Variants in CALN1 observed in about 807,000 individuals in gnomAD.
CALN1 encodes the protein calneuron 1.
Under a neutral mutation model 30.6 loss-of-function variants are expected in CALN1, and 17 were observed. The ratio of observed to expected loss-of-function variants is 0.56; its 90% CI spans 0.38 to 0.83. CALN1 has a LOEUF of 0.83. Ranked by LOEUF, CALN1 falls within the 40% of genes least tolerant of loss-of-function variation. The probability of loss-of-function intolerance (pLI) is 0.00; values close to 1 mark genes in which losing one functional copy is unlikely to be tolerated. For missense variants in CALN1, 291 were observed against 354.9 expected (o/e 0.82, Z 1.45); for synonymous variants, 156 against 131.4 (o/e 1.19, Z -1.28).
At chr7:72,369,868 A>AGG (rs1804116430) in intron 2 of CALN1, among the ~76,000 whole-genome samples, 1 of 152,238 alleles carries the variant, frequency 6.6e-6, no homozygotes, top group East Asian at 1.9e-4. Flanking sequence ...CCACTAACCT[A>AGG]TTGATGGACA....
the CALN1 span, among the ~76,000 whole-genome samples, chr7:72,456,314 G>A: frequency 6.6e-6 from 1 of 151,880 alleles, no homozygotes; most frequent in Non-Finnish European, 1.5e-5. Context: ...CTCGAGGCCA[G>A]GAGTTCTAGA....
At chr7:72,036,092 T>A (rs1162029288) in intron 4 of CALN1, among the ~76,000 whole-genome samples, 1 of 152,236 alleles carries the variant, frequency 6.6e-6, no homozygotes, top group Non-Finnish European at 1.5e-5. Flanking sequence ...TCCCTCACCT[T>A]TGAAGGACAG....
At chr7:72,101,127 C>A (rs1215946594) in intron 4 of CALN1, among the ~76,000 whole-genome samples, 1 of 151,868 alleles carries the variant, frequency 6.6e-6, no homozygotes, top group Non-Finnish European at 1.5e-5. Context: ...CCATGCCTGG[C>A]TAATTGTTTT....
chr7:72,272,685 C>G (rs969924546), intron 3 of CALN1, among the ~76,000 whole-genome samples: 3 of 152,176 alleles, frequency 2.0e-5, no homozygotes, highest in Non-Finnish European at 4.4e-5. Context: ...TCCACCCACA[C>G]TTGGAACTAC....
chr7:71,838,418 G>A (rs1789745886), intron 5 of CALN1, among the ~76,000 whole-genome samples: 1 of 152,176 alleles, frequency 6.6e-6, no homozygotes, highest in Non-Finnish European at 1.5e-5. Context: ...TTTGACCACA[G>A]AGATACTCTT....
At chr7:72,128,149 T>C (rs1808896782) in intron 3 of CALN1, among the ~76,000 whole-genome samples, 1 of 152,256 alleles carries the variant, frequency 6.6e-6, no homozygotes, top group East Asian at 1.9e-4. Context: ...AAAGAAGAGA[T>C]ACATATTAAA....
intron 6 of CALN1, among the ~76,000 whole-genome samples, chr7:71,793,614 G>A (rs542940829): frequency 1.9e-4 from 29 of 152,224 alleles, no homozygotes; most frequent in Admixed American, 1.6e-3. Flanking sequence ...GCTCACACCC[G>A]TAATCCCAGC....
chr7:72,206,118 T>C (rs1453862506), intron 3 of CALN1, among the ~76,000 whole-genome samples: 1 of 152,234 alleles, frequency 6.6e-6, no homozygotes, highest in Non-Finnish European at 1.5e-5. Flanking sequence ...TTTTTGTTTT[T>C]TGAATAACGT....
chr7:71,898,274 G>C (rs1364729680), intron 5 of CALN1, among the ~76,000 whole-genome samples: 1 of 152,110 alleles, frequency 6.6e-6, no homozygotes. Flanking sequence ...AGGTTGCAGT[G>C]AGCCGAGATT....
At chr7:71,929,914 G>T (rs1795460050) in intron 5 of CALN1, among the ~76,000 whole-genome samples, 1 of 152,262 alleles carries the variant, frequency 6.6e-6, no homozygotes, top group African/African-American at 2.4e-5. Flanking sequence ...CGGTATCTGT[G>T]GGAATTGGTT....
At chr7:72,125,799 C>CTTTTTTTTT (rs61475416) in intron 3 of CALN1, among the ~76,000 whole-genome samples, 2 of 114,772 alleles carry the variant, frequency 1.7e-5, no homozygotes, top group African/African-American at 3.3e-5. Flanking sequence ...CTGTATCATT[C>CTTTTTTTTT]TTTTTTTTTT....
chr7:72,057,103 C>T (rs967898397), intron 4 of CALN1, among the ~76,000 whole-genome samples: 13 of 76,708 alleles, frequency 1.7e-4, no homozygotes, highest in Non-Finnish European at 3.0e-4. Flanking sequence ...ACCAAGCCCA[C>T]CTGTTTTTTA....
rs150512108 is a variant in CALN1 at position 72,191,260 on chromosome 7, C to T, written c.245-84966G>A. 1.4e-4 allele frequency among the ~76,000 whole-genome samples: 21 copies of T among 152,224 alleles called. No individual in the cohort carries two copies. In the East Asian group the frequency reaches 3.9e-3, roughly 28 times the overall value. Reference sequence around the variant, plus strand: ...ACAAGATGAACAGAGAACAACGTAGCAATTTAGGCGGAAGCTACAGACTGT... The same window carrying T: ...ACAAGATGAACAGAGAACAACGTAGTAATTTAGGCGGAAGCTACAGACTGT... On this transcript the variant is annotated intron_variant, in intron 3 of 6. Coordinates refer to ENST00000395275, the MANE Select transcript of CALN1 (RefSeq NM_031468.4).
At chr7:72,336,329 G>A (rs1387473363) in intron 2 of CALN1, among the ~76,000 whole-genome samples, 2 of 152,118 alleles carry the variant, frequency 1.3e-5, no homozygotes, top group Non-Finnish European at 2.9e-5. Context: ...GGGCGCCTGC[G>A]GGCGGGGGCG....
At chr7:72,395,359 G>GCACACA (rs71069064) in intron 2 of CALN1, among the ~76,000 whole-genome samples, 7 of 151,284 alleles carry the variant, frequency 4.6e-5, no homozygotes, top group Non-Finnish European at 1.0e-4. Flanking sequence ...GCACGCGCGC[G>GCACACA]CACACACACA....
chr7:72,014,139 T>A (rs1386887102), intron 5 of CALN1, among the ~76,000 whole-genome samples: 1 of 149,316 alleles, frequency 6.7e-6, no homozygotes, highest in Non-Finnish European at 1.5e-5. Context: ...TAGGCTGGAG[T>A]ACAGTGGCTT....
chr7:72,119,084 C>T (rs1808199136), intron 3 of CALN1, among the ~76,000 whole-genome samples: 1 of 152,146 alleles, frequency 6.6e-6, no homozygotes, highest in Non-Finnish European at 1.5e-5. Context: ...GGTGAGATTA[C>T]AGCTGATGTT....
At chr7:72,151,670 C>T (rs1308705457) in intron 3 of CALN1, among the ~76,000 whole-genome samples, 1 of 152,092 alleles carries the variant, frequency 6.6e-6, no homozygotes, top group Non-Finnish European at 1.5e-5. Context: ...GACTAACCAG[C>T]TACCTTCCAC....
intron 5 of CALN1, among the ~76,000 whole-genome samples, chr7:71,884,197 G>T (rs1007421724): frequency 6.6e-6 from 1 of 152,154 alleles, no homozygotes; most frequent in Admixed American, 6.5e-5. Flanking sequence ...ACAGGTGTGA[G>T]CCACTGTGCC....
Sources: allele counts gnomAD v4.1 joint callset (sites outside exome capture counted in the v4.1 genomes callset), GRCh38; gene constraint gnomAD v4.1.1; transcripts MANE v1.5; gene names NCBI Gene and HGNC (gene_info 2026-07-23, HGNC 2026-07-21).